Variants in SMYD3 observed in about 807,000 individuals in gnomAD.
SMYD3 encodes the protein SET and MYND domain containing 3.
A neutral mutation model predicts 57.7 loss-of-function variants in SMYD3; 36 were observed. That is an observed-to-expected ratio of 0.62 (90% CI 0.48 to 0.82). The LOEUF is 0.82. Among genes scored for constraint, SMYD3 ranks in the 40% least tolerant of loss-of-function variants. The pLI is 0.00. For synonymous variants in SMYD3, 211 were observed against 195.0 expected (o/e 1.08, Z -0.68); for missense variants, 515 against 538.8 (o/e 0.96, Z 0.44).
intron 5 of SMYD3, among the ~76,000 whole-genome samples, chr1:246,221,812 T>C (rs1318687956): frequency 6.6e-6 from 1 of 152,118 alleles, no homozygotes; most frequent in African/African-American, 2.4e-5. Context: ...GCTGGTAGCA[T>C]GAGCTGAGCG....
At chr1:246,101,092 T>G (rs2061006772) in intron 5 of SMYD3, among the ~76,000 whole-genome samples, 1 of 142,604 alleles carries the variant, frequency 7.0e-6, no homozygotes, top group Non-Finnish European at 1.5e-5. Context: ...TTTTTTTTTT[T>G]TTTTTTTTAC....
intron 5 of SMYD3, among the ~76,000 whole-genome samples, chr1:246,289,109 TC>T (rs2064635318): frequency 6.6e-6 from 1 of 152,008 alleles, no homozygotes; most frequent in South Asian, 2.1e-4. Context: ...AAGCAAAACT[TC>T]GTCTCAAAAG....
intron 5 of SMYD3, among the ~76,000 whole-genome samples, chr1:246,178,517 G>T (rs191098395): frequency 6.6e-6 from 1 of 152,102 alleles, no homozygotes; most frequent in East Asian, 1.9e-4. Flanking sequence ...GTATTTTCAC[G>T]CTTGCCACAT....
chr1:246,376,447 C>G (rs1013764556), intron 1 of SMYD3, among the ~76,000 whole-genome samples: 52 of 150,394 alleles, frequency 3.5e-4, no homozygotes, highest in African/African-American at 1.2e-3. Flanking sequence ...AAAAATTAGC[C>G]AGGCGTGGTG....
intron 5 of SMYD3, among the ~76,000 whole-genome samples, chr1:246,118,877 G>A (rs1156358548): frequency 6.7e-6 from 1 of 149,086 alleles, no homozygotes; most frequent in East Asian, 2.0e-4. Context: ...TGGAGCTCCA[G>A]CAGCCACCTT....
At chr1:246,506,969 G>T in intron 1 of SMYD3, 85 bp downstream of exon 1, 1 of 1,249,870 alleles carries the variant, frequency 8.0e-7, no homozygotes, top group Non-Finnish European at 1.1e-6. Flanking sequence ...CAGGAGTCCC[G>T]CGGCTGCCGG....
At chr1:246,148,290 T>C (rs1316899203) in intron 5 of SMYD3, among the ~76,000 whole-genome samples, 1 of 152,130 alleles carries the variant, frequency 6.6e-6, no homozygotes, top group Non-Finnish European at 1.5e-5. Flanking sequence ...AGCTGCCCTC[T>C]GCTGAGAGCT....
chr1:245,984,508 G>A (rs1262415237), intron 5 of SMYD3, among the ~76,000 whole-genome samples: 2 of 152,188 alleles, frequency 1.3e-5, no homozygotes, highest in Non-Finnish European at 2.9e-5. Flanking sequence ...ATCTAGGACA[G>A]GAGCTCTCCA....
intron 5 of SMYD3, among the ~76,000 whole-genome samples, chr1:246,065,513 A>T (rs751745878): frequency 2.0e-4 from 31 of 152,226 alleles, no homozygotes; most frequent in Admixed American, 1.6e-3. Context: ...GTAATCCCAG[A>T]TTTACAGGCT....
At chr1:245,962,775 G>A (rs1025463502) in intron 5 of SMYD3, among the ~76,000 whole-genome samples, 7 of 126,724 alleles carry the variant, frequency 5.5e-5, no homozygotes, top group Admixed American at 9.1e-5. Flanking sequence ...AACCAAAGTC[G>A]GCCTGAATAC....
chr1:245,931,155 AT>A (rs2056693276), intron 5 of SMYD3, among the ~76,000 whole-genome samples: 2 of 152,178 alleles, frequency 1.3e-5, no homozygotes, highest in Non-Finnish European at 2.9e-5. Context: ...AAGCCACTGG[AT>A]TTTGAGCCAA....
intron 5 of SMYD3, among the ~76,000 whole-genome samples, chr1:246,315,666 AC>A (rs140357920): frequency 0.18 from 26,802 of 152,212 alleles, 2,633 homozygotes; most frequent in East Asian, 0.3. Flanking sequence ...AGATAATAAA[AC>A]AGTATTTTTG....
At position 246,432,936 on chromosome 1, in the gene SMYD3, A is replaced by G. The variant is rs112465298; in HGVS notation, c.164+74118T>C. On this transcript the variant is annotated intron_variant, in intron 1 of 11. Transcript: ENST00000490107. ...CAATGGATCTATCCTAGATCAATAG[A>G]TAAGCTTAAGAATGCATTTCTGGAA... is the stretch of plus-strand genomic sequence containing the variant. Among the ~76,000 whole-genome samples, 1,273 of 152,328 alleles carry G rather than the reference A, an allele frequency of 8.4e-3. 13 individuals carry two copies. The highest frequency in any genetic ancestry group is 0.027 in the African/African-American group (1,121 of 41,558).
intron 5 of SMYD3, among the ~76,000 whole-genome samples, chr1:246,036,539 C>CT (rs59062672): frequency 0.031 from 4,460 of 144,866 alleles, 183 homozygotes; most frequent in African/African-American, 0.1. Flanking sequence ...TTCTTTCTCT[C>CT]TTTTTTTTTT....
chr1:246,335,403 G>C lies in SMYD3; in HGVS notation c.300C>G (p.Asp100Glu). Residue 100 changes from aspartate to glutamate, a missense_variant, in exon 3 of 12, where the codon GAC (aspartate) becomes GAG (glutamate). Physicochemically the swap from Asp to Glu is conservative, Grantham distance 45. Coordinates refer to ENST00000490107, the MANE Select transcript of SMYD3 (RefSeq NM_001167740.2). ...CAACTCTGCCAAGAAGTCGAACGGA[G>C]TCTGGAGGATATCTGGGTTTGCAGC... ...LKSCKPRYPP[D>E]SVRLLGRVVF... 1 of 1,614,078 alleles carries C rather than the reference G, an allele frequency of 6.2e-7. No individual in the cohort carries two copies. Among genetic ancestry groups the C allele is most frequent in the Admixed American group, 1.7e-5 (1 of 60,020 alleles).
intron 10 of SMYD3, among the ~76,000 whole-genome samples, chr1:245,848,797 C>T (rs141602902): frequency 1.5e-4 from 23 of 152,208 alleles, no homozygotes; most frequent in African/African-American, 5.5e-4. Context: ...GGTTGGTCCA[C>T]AGCTGTGGGA....
intron 1 of SMYD3, among the ~76,000 whole-genome samples, chr1:246,442,857 G>A (rs1440606284): frequency 6.6e-6 from 1 of 152,084 alleles, no homozygotes; most frequent in African/African-American, 2.4e-5. Flanking sequence ...CCAGACTCTG[G>A]TAAGAATCTG....
At chr1:245,916,942 T>G (rs969145216) in intron 7 of SMYD3, among the ~76,000 whole-genome samples, 2 of 151,910 alleles carry the variant, frequency 1.3e-5, no homozygotes, top group Non-Finnish European at 1.5e-5. Context: ...CATGACGACA[T>G]GAGTCAAGAA....
At chr1:246,474,519 CAAAAAAAAAA>C (rs35626265) in intron 1 of SMYD3, among the ~76,000 whole-genome samples, 1 of 78,832 alleles carries the variant, frequency 1.3e-5, no homozygotes, top group South Asian at 4.2e-4. Context: ...ACTCCCCTCT[CAAAAAAAAAA>C]AAAAAAAAAA....
Sources: gnomAD v4.1 joint callset for allele counts (sites outside exome capture counted in the v4.1 genomes callset) on GRCh38, gnomAD v4.1.1 for gene constraint, MANE v1.5 for transcripts, NCBI Gene and HGNC (gene_info 2026-07-23, HGNC 2026-07-21) for gene names.